The following ADAMTSL3 variants were observed in gnomAD, a reference collection of about 807,000 sequenced individuals.
ADAMTSL3 encodes ADAMTS like 3, also known as ADAMTS-like protein 3.
ADAMTSL3 carries 128 observed loss-of-function variants against 201.7 expected under a neutral mutation model. The ratio of observed to expected loss-of-function variants is 0.63; its 90% CI spans 0.55 to 0.73. ADAMTSL3 has a LOEUF of 0.73. Among genes scored for constraint, ADAMTSL3 ranks in the 30% least tolerant of loss-of-function variants. The pLI, the probability that ADAMTSL3 is intolerant of heterozygous loss-of-function variation, is 0.00. For missense variants in ADAMTSL3, 1,990 were observed against 2,119.6 expected (o/e 0.94, Z 1.20); for synonymous variants, 738 against 748.4 (o/e 0.99, Z 0.23).
At position 83,891,317 on chromosome 15, in the gene ADAMTSL3, T is replaced by G. The variant is rs756714987; in HGVS notation, c.1212-12T>G. On this transcript the variant is annotated splice_polypyrimidine_tract_variant and intron_variant, in intron 11 of 29. Transcript: ENST00000286744. ...TATAGAAATGATATTCTCACAATGA[T>G]TTCATTTGTAGTGATGGATTTAAAG... The G allele has an allele frequency of 1.8e-5, 29 of 1,588,900 alleles. No individual in the cohort carries two copies. The East Asian group carries it at 5.8e-4, about 32-fold the overall frequency.
chr15:83,898,182 G>C (rs1293306941), intron 14 of ADAMTSL3, among the ~76,000 whole-genome samples, 177 bp downstream of exon 14: 2 of 152,066 alleles, frequency 1.3e-5, no homozygotes, highest in South Asian at 2.1e-4. Context: ...TATTCATCTG[G>C]AGGGAAAACT....
Position 83,838,151 on chromosome 15 carries a change from C to G in ADAMTSL3, c.663C>G (p.Ala221=), listed in dbSNP as rs998409539. The G allele has an allele frequency of 6.2e-7, 1 of 1,613,056 alleles. No homozygotes were observed. The highest frequency in any genetic ancestry group is 1.7e-5 in the Admixed American group (1 of 59,822). The change falls in exon 7 of 30, where the codon GCC becomes GCG. Residue 221 remains alanine, a synonymous_variant. Transcript: ENST00000286744. ...AGGAGGACAACTGTGGAGTCTGTGC[C>G]GGCGATGGCTCCACCTGCAGGCTTG... ...NAKEDNCGVC[A]GDGSTCRLVR... is the part of the protein sequence containing the mutation.
chr15:83,756,959 G>A (rs986794676), intron 3 of ADAMTSL3, among the ~76,000 whole-genome samples: 1 of 152,226 alleles, frequency 6.6e-6, no homozygotes, highest in African/African-American at 2.4e-5. Context: ...GCTGATGCAA[G>A]AGGTGGGCTC....
chr15:83,774,114 A>T (rs1205059721), intron 4 of ADAMTSL3, among the ~76,000 whole-genome samples: 2 of 152,244 alleles, frequency 1.3e-5, no homozygotes, highest in East Asian at 1.9e-4. Flanking sequence ...GCTTATTTTT[A>T]AAAATCTGTA....
In ADAMTSL3 at chr15:83,892,773, A is replaced by T. The variant is rs774936095; in HGVS notation, c.1352A>T (p.His451Leu). 8.7e-6 allele frequency: 14 copies of T among 1,614,146 alleles called. No homozygotes were observed. Among genetic ancestry groups the T allele is most frequent in the Non-Finnish European group, 1.2e-5 (14 of 1,180,008 alleles). Residue 451 changes from histidine (H) to leucine (L), a missense_variant, in exon 13 of 30, where the codon CAT becomes CTT. By Grantham distance (99) the His-to-Leu change is moderately conservative. Coordinates refer to ENST00000286744, the MANE Select transcript of ADAMTSL3 (RefSeq NM_207517.3). ...TTTGTGTGTGTAGAGGAATCCATGC[A>T]TGGAGAGATATTGCAGGTGGAAGAA... ...RSFVCVEESM[H>L]GEILQVEEWK...
rs141215018 is a variant in ADAMTSL3, at chr15:83,891,353, C to G, written c.1236C>G (p.Pro412=). The change falls in exon 12 of 30, where the codon CCC becomes CCG. Residue 412 remains proline (P), a synonymous_variant. Coordinates refer to ENST00000286744, the MANE Select transcript of ADAMTSL3 (RefSeq NM_207517.3). ...PSSDGFKEIM[P]YDHFQPLPRW... ...GTGATGGATTTAAAGAGATAATGCC[C>G]TATGACCACTTCCAACCTCTTCCTC... The G allele has an allele frequency of 6.2e-7, 1 of 1,612,774 alleles. No individual in the cohort carries two copies. Among genetic ancestry groups the G allele is most frequent in the African/African-American group, 1.3e-5 (1 of 74,896 alleles).
chr15:83,891,481 AT>A lies in ADAMTSL3; in HGVS notation c.1262+103del, dbSNP rs2065497656. The A allele has an allele frequency of 4.1e-6, 4 of 986,672 alleles. No individual in the cohort carries two copies. In the Admixed American group the frequency reaches 7.5e-5, roughly 19 times the overall value. 61.1% of individuals were successfully genotyped at this position (986,672 alleles called of 1,614,324 possible). On this transcript the variant is annotated intron_variant, in intron 12 of 29. Transcript: ENST00000286744. ...AAAATGTATGAGGGTTAGATATTAA[AT>A]ACTTTATAGAGCTAAGGGAAAACAG...
chr15:84,024,720 A>G (rs568133348), intron 26 of ADAMTSL3, among the ~76,000 whole-genome samples: 44 of 152,322 alleles, frequency 2.9e-4, no homozygotes, highest in African/African-American at 1.1e-3. Flanking sequence ...TAAATCTAGA[A>G]TCCAATCCCA....
chr15:83,991,055 T>C (rs1319208838), intron 22 of ADAMTSL3, 31 bp from the exon 23 acceptor site: 1 of 1,613,722 alleles, frequency 6.2e-7, no homozygotes, highest in Non-Finnish European at 8.5e-7. Flanking sequence ...AGCCTGAACC[T>C]AACATAGTTT....
chr15:83,903,456 C>T (rs978939934), intron 15 of ADAMTSL3, among the ~76,000 whole-genome samples: 1 of 152,076 alleles, frequency 6.6e-6, no homozygotes, highest in Non-Finnish European at 1.5e-5. Context: ...ACTCTAGTAA[C>T]CTCTATTCTA....
intron 2 of ADAMTSL3, among the ~76,000 whole-genome samples, chr15:83,701,294 A>G (rs2061773797): frequency 6.6e-6 from 1 of 152,022 alleles, no homozygotes; most frequent in South Asian, 2.1e-4. Context: ...ATCCTGGTAA[A>G]CCCTCTACCT....
intron 20 of ADAMTSL3, among the ~76,000 whole-genome samples, chr15:83,977,998 T>C (rs1198962117): frequency 6.6e-6 from 1 of 152,190 alleles, no homozygotes; most frequent in Non-Finnish European, 1.5e-5. Context: ...TTTACTCCTA[T>C]TGGGAGGAGT....
chr15:83,891,257 A>G, intron 11 of ADAMTSL3, 72 bp from the exon 12 acceptor site: 1 of 1,296,958 alleles, frequency 7.7e-7, no homozygotes, highest in Non-Finnish European at 1.1e-6. Context: ...GATGTCAAAT[A>G]TTATATTCGT....
rs561266725 is a variant in ADAMTSL3, at chr15:83,825,101, G to GCAACCAAAAGTAGACTTTTGA, written c.600+5058_600+5078dup. 288 of 152,058 alleles carry GCAACCAAAAGTAGACTTTTGA rather than the reference G, an allele frequency of 1.9e-3. 1 individual carries two copies. The highest frequency in any genetic ancestry group is 6.7e-3 in the African/African-American group (278 of 41,476). The allele number at this position is 152,058 out of a possible 1,614,324, so 9.4% of individuals were successfully genotyped here. On this transcript the variant is annotated intron_variant, in intron 6 of 29. Coordinates refer to ENST00000286744, the MANE Select transcript of ADAMTSL3 (RefSeq NM_207517.3). ...ACACTTTGGTTGCTTTCTACTTTTG[G>GCAACCAAAAGTAGACTTTTGA]CAACCAAAAGTAGACTTTTGACAAA...
intron 6 of ADAMTSL3, among the ~76,000 whole-genome samples, chr15:83,832,397 C>T (rs1042342837): frequency 2.0e-5 from 3 of 152,102 alleles, no homozygotes; most frequent in East Asian, 1.9e-4. Context: ...CTTCTAATCA[C>T]GTTTTTGTGA....
In ADAMTSL3 at chr15:83,818,556, A is replaced by ACCTCAGGTGATCGGCCCG. The variant is rs1204156008; in HGVS notation, c.364-1248_364-1231dup. 3.3e-5 allele frequency among the ~76,000 whole-genome samples: 5 copies of ACCTCAGGTGATCGGCCCG among 152,216 alleles called. No individual in the cohort carries two copies. In the South Asian group the frequency reaches 1.0e-3, roughly 32 times the overall value. The stretch of plus-strand genomic sequence containing the variant: ...TGGCCAGGCTGGTCTGGAGCTCCTG[A>ACCTCAGGTGATCGGCCCG]CCTCAGGTGATCGGCCCGCCTCAGC... On this transcript the variant is annotated intron_variant, in intron 5 of 29. Coordinates refer to ENST00000286744, the MANE Select transcript of ADAMTSL3 (RefSeq NM_207517.3).
intron 19 of ADAMTSL3, among the ~76,000 whole-genome samples, chr15:83,946,484 A>G (rs183404612): frequency 6.6e-6 from 1 of 152,316 alleles, no homozygotes; most frequent in East Asian, 1.9e-4. Context: ...TTGCAATGGT[A>G]GCTATTTCCT....
At chr15:83,984,979 A>G (rs925921223) in intron 21 of ADAMTSL3, among the ~76,000 whole-genome samples, 1 of 152,268 alleles carries the variant, frequency 6.6e-6, no homozygotes, top group African/African-American at 2.4e-5. Context: ...ACAAAGGGTC[A>G]TTTCTCAAAG....
At chr15:83,802,155 C>T (rs183223977) in intron 4 of ADAMTSL3, among the ~76,000 whole-genome samples, 1 of 152,166 alleles carries the variant, frequency 6.6e-6, no homozygotes, top group East Asian at 1.9e-4. Context: ...GCCAGCCATG[C>T]ATCCAACTAA....
Sources: allele counts gnomAD v4.1 joint callset (sites outside exome capture counted in the v4.1 genomes callset), GRCh38; gene constraint gnomAD v4.1.1; transcripts MANE v1.5; gene names NCBI Gene and HGNC (gene_info 2026-07-23, HGNC 2026-07-21).